Variants in CEP170 observed in about 807,000 individuals in gnomAD.
The protein encoded by CEP170 is centrosomal protein of 170 kDa.
In CEP170, 21 loss-of-function variants were observed where a neutral mutation model predicts 151.9. The observed-to-expected ratio is 0.14, with a 90% CI of 0.10 to 0.20. CEP170 has a LOEUF of 0.20. Ranked by LOEUF, CEP170 falls within the 10% of genes least tolerant of loss-of-function variation. CEP170 has a pLI of 1.00. For missense variants in CEP170, 964 were observed against 1,892.9 expected (o/e 0.51, Z 9.11); for synonymous variants, 356 against 648.8 (o/e 0.55, Z 6.86).
chr1:243,247,502 C>A (rs866477416), intron 1 of CEP170, among the ~76,000 whole-genome samples: 2 of 152,122 alleles, frequency 1.3e-5, no homozygotes, highest in African/African-American at 4.8e-5. Context: ...TACAGGCCTG[C>A]GCCACCACGC....
chr1:243,170,094 G>C (rs1225560517), intron 11 of CEP170, among the ~76,000 whole-genome samples: 2 of 152,126 alleles, frequency 1.3e-5, no homozygotes, highest in Admixed American at 6.5e-5. Context: ...TTTATTAAGA[G>C]TGTCAGATTT....
At chr1:243,221,985 A>T (rs1487220394) in intron 2 of CEP170, among the ~76,000 whole-genome samples, 172 bp from the exon 3 acceptor site, 2 of 152,256 alleles carry the variant, frequency 1.3e-5, no homozygotes, top group African/African-American at 4.8e-5. Context: ...TCTTTTTAGC[A>T]TCACTGCCCA....
chr1:243,168,961 G>C (rs1272596548), intron 12 of CEP170, among the ~76,000 whole-genome samples: 1 of 149,276 alleles, frequency 6.7e-6, no homozygotes, highest in Non-Finnish European at 1.5e-5. Flanking sequence ...AAATCGTTTG[G>C]ACCTGTCTTC....
At chr1:243,168,869 T>A (rs1246460409) in intron 12 of CEP170, among the ~76,000 whole-genome samples, 1 of 151,918 alleles carries the variant, frequency 6.6e-6, no homozygotes, top group African/African-American at 2.4e-5. Flanking sequence ...ACTACATAGA[T>A]TTGTAAGATT....
At chr1:243,149,776 T>C (rs1289396091) in intron 14 of CEP170, among the ~76,000 whole-genome samples, 3 of 152,236 alleles carry the variant, frequency 2.0e-5, no homozygotes, top group Non-Finnish European at 2.9e-5. Context: ...AAAAGCATTA[T>C]ATTACCTTAC....
At chr1:243,221,894 T>C in intron 2 of CEP170, 81 bp from the exon 3 acceptor site, 1 of 1,196,422 alleles carries the variant, frequency 8.4e-7, no homozygotes, top group Non-Finnish European at 1.2e-6. Flanking sequence ...ATACCTAATA[T>C]TAATAGGACA....
intron 14 of CEP170, among the ~76,000 whole-genome samples, chr1:243,149,268 C>T (rs954356944): frequency 1.3e-5 from 2 of 152,082 alleles, no homozygotes; most frequent in African/African-American, 4.8e-5. Flanking sequence ...TTTAGCAAAC[C>T]TATGCTATCT....
intron 1 of CEP170, among the ~76,000 whole-genome samples, chr1:243,230,583 T>A (rs546010195): frequency 6.6e-6 from 1 of 152,236 alleles, no homozygotes; most frequent in East Asian, 1.9e-4. Flanking sequence ...AAACATATTC[T>A]GGAGCTAAAA....
chr1:243,246,334 C>A (rs777379439), intron 1 of CEP170, among the ~76,000 whole-genome samples: 1 of 147,794 alleles, frequency 6.8e-6, no homozygotes, highest in Non-Finnish European at 1.5e-5. Context: ...TGGATTAAAG[C>A]GATTCTCCTG....
chr1:243,139,964 T>C lies in CEP170; in HGVS notation c.4203A>G (p.Thr1401=). ...AAEPPDHLTI[T]RRRTWSRDEV... is the part of the protein sequence containing the mutation. ...CATCCCTGCTCCAGGTTCTCCGCCT[T>C]GTAATTGTTAAGTGATCGGGAGGCT... The change falls in exon 16 of 20, where the codon ACA becomes ACG. Residue 1401 remains threonine (T), a synonymous_variant. Transcript: ENST00000366542. 1 of 1,612,848 alleles carries C rather than the reference T, an allele frequency of 6.2e-7. No homozygotes were observed. Among genetic ancestry groups the C allele is most frequent in the Non-Finnish European group, 8.5e-7 (1 of 1,179,072 alleles).
intron 10 of CEP170, among the ~76,000 whole-genome samples, chr1:243,173,293 C>G (rs1204856488): frequency 6.6e-6 from 1 of 151,722 alleles, no homozygotes; most frequent in African/African-American, 2.4e-5. Flanking sequence ...CTCCCGACCT[C>G]AGGTGATCTG....
intron 1 of CEP170, among the ~76,000 whole-genome samples, chr1:243,246,529 G>A (rs1479439403): frequency 3.3e-5 from 5 of 152,098 alleles, no homozygotes; most frequent in African/African-American, 1.2e-4. Context: ...ACTGGGCCCG[G>A]CCTGTTGTTT....
intron 1 of CEP170, among the ~76,000 whole-genome samples, chr1:243,237,639 C>T (rs1292657540): frequency 1.3e-5 from 2 of 152,166 alleles, no homozygotes; most frequent in Admixed American, 6.5e-5. Flanking sequence ...TGGTGGCTCA[C>T]GCCTGTAATC....
intron 18 of CEP170, chr1:243,128,627 C>T (rs2253865): frequency 4.0e-5 from 8 of 200,920 alleles, no homozygotes; most frequent in South Asian, 3.7e-4. Flanking sequence ...AGTGCAATGG[C>T]GCAATCTTGG....
intron 16 of CEP170, among the ~76,000 whole-genome samples, chr1:243,137,604 A>G (rs1417345879): frequency 6.6e-6 from 1 of 151,880 alleles, no homozygotes; most frequent in East Asian, 1.9e-4. Flanking sequence ...GTGAAACCCC[A>G]TCTCTACTAA....
intron 11 of CEP170, among the ~76,000 whole-genome samples, chr1:243,171,692 T>C (rs2058857226): frequency 1.3e-5 from 2 of 152,318 alleles, no homozygotes; most frequent in South Asian, 4.1e-4. Context: ...TAATATCATT[T>C]CTGATAAAGG....
At position 243,230,544 on chromosome 1, in the gene CEP170, T is replaced by C. The variant is rs537977445; in HGVS notation, c.-41-5223A>G. ...TGTATGAAAAAAATGAGAATATCAG[T>C]AGGAAGACAGAAATTATGAAACGGA... On this transcript the variant is annotated intron_variant, in intron 1 of 19. Coordinates refer to ENST00000366542, the MANE Select transcript of CEP170 (RefSeq NM_014812.3). Among the ~76,000 whole-genome samples the C allele has an allele frequency of 2.6e-5, 4 of 152,068 alleles. No individual in the cohort carries two copies. In the East Asian group the frequency reaches 5.8e-4, roughly 22 times the overall value.
intron 4 of CEP170, 171 bp downstream of exon 4, chr1:243,211,715 G>C: frequency 1.4e-6 from 1 of 727,466 alleles, no homozygotes. Context: ...ATTACTTTTA[G>C]GAACAGGCAT....
rs2789259 is a variant in CEP170 at position 243,155,742 on chromosome 1, C to T, written c.3911+479G>A. 3.9e-3 allele frequency among the ~76,000 whole-genome samples: 588 copies of T among 152,134 alleles called. 1 individual carries two copies. Among genetic ancestry groups the T allele is most frequent in the Middle Eastern group, 6.8e-3 (2 of 294 alleles). On this transcript the variant is annotated intron_variant, in intron 14 of 19. Transcript: ENST00000366542. ...GTCATATTTTGTTTTACTTACTAAA[C>T]GGTTGAACTGCCCATACTTAATGAG...
Sources: allele counts gnomAD v4.1 joint callset (sites outside exome capture counted in the v4.1 genomes callset), GRCh38; gene constraint gnomAD v4.1.1; transcripts MANE v1.5; gene names NCBI Gene and HGNC (gene_info 2026-07-23, HGNC 2026-07-21).